Variants in LRP1B observed in about 807,000 individuals in gnomAD.
The protein encoded by LRP1B is low-density lipoprotein receptor-related protein 1B.
Under a neutral mutation model 556.6 loss-of-function variants are expected in LRP1B, and 217 were observed. That is an observed-to-expected ratio of 0.39 (90% confidence interval 0.35 to 0.44). LRP1B has a LOEUF of 0.44. Among genes scored for constraint, LRP1B ranks in the 20% least tolerant of loss-of-function variants. The pLI, the probability that LRP1B is intolerant of heterozygous loss-of-function variation, is 1.00. For missense variants in LRP1B, 5,053 were observed against 5,620.8 expected (o/e 0.90, Z 3.23); for synonymous variants, 2,047 against 1,865.8 (o/e 1.10, Z -2.50).
At position 140,467,779 on chromosome 2, in the gene LRP1B, A is replaced by G. The variant is rs142544058; in HGVS notation, c.9625+7359T>C. 1.4e-4 allele frequency among the ~76,000 whole-genome samples: 22 copies of G among 152,304 alleles called. No homozygotes were observed. The East Asian group carries it at 4.1e-3, about 28-fold the overall frequency. On this transcript the variant is annotated intron_variant, in intron 60 of 90. Coordinates refer to ENST00000389484, the MANE Select transcript of LRP1B (RefSeq NM_018557.3). ...CAGAACTCAACAGCAATAAAATAGAATATCTGCCAGAAGAAATCTCTAAGT... is the reference window on the plus strand; with the variant it reads ...CAGAACTCAACAGCAATAAAATAGAGTATCTGCCAGAAGAAATCTCTAAGT...
intron 1 of LRP1B, among the ~76,000 whole-genome samples, chr2:142,127,088 T>C (rs1707680229): frequency 6.6e-6 from 1 of 151,944 alleles, no homozygotes; most frequent in Non-Finnish European, 1.5e-5. Flanking sequence ...AAATTTCCTT[T>C]ACCTTCACTT....
In LRP1B at chr2:141,185,637, G is replaced by T. The variant is rs1297511946; in HGVS notation, c.1013+2784C>A. Among the ~76,000 whole-genome samples the T allele has an allele frequency of 3.6e-5, 4 of 111,168 alleles. No homozygotes were observed. In the East Asian group the frequency reaches 9.3e-4, roughly 26 times the overall value. The allele number at this position is 111,168 out of a possible 152,430, so 72.9% of individuals were successfully genotyped here. On this transcript the variant is annotated intron_variant, in intron 7 of 90. Transcript: ENST00000389484. ...GCTCAAGTCATAATGGGAGTCCAGA[G>T]AAAGTTAGTAATCTATATTTAAACC...
intron 83 of LRP1B, among the ~76,000 whole-genome samples, chr2:140,304,575 A>T (rs1467865367): frequency 6.6e-6 from 1 of 152,118 alleles, no homozygotes; most frequent in Non-Finnish European, 1.5e-5. Context: ...GGATGAGTAG[A>T]TTGCAAAAAT....
At chr2:141,608,406 A>T (rs1687991905) in intron 2 of LRP1B, among the ~76,000 whole-genome samples, 1 of 152,224 alleles carries the variant, frequency 6.6e-6, no homozygotes, top group Non-Finnish European at 1.5e-5. Context: ...ACATTAAATG[A>T]ATAATTCATC....
intron 84 of LRP1B, among the ~76,000 whole-genome samples, chr2:140,282,574 C>G (rs1682961030): frequency 6.6e-6 from 1 of 151,588 alleles, no homozygotes; most frequent in African/African-American, 2.4e-5. Flanking sequence ...GGAAAGTATC[C>G]CATCTCTGTG....
At chr2:140,242,328 A>G (rs1680982207) in intron 87 of LRP1B, among the ~76,000 whole-genome samples, 1 of 151,262 alleles carries the variant, frequency 6.6e-6, no homozygotes, top group South Asian at 2.1e-4. Flanking sequence ...ACAAGCTTCT[A>G]TTCTGCACTT....
intron 15 of LRP1B, among the ~76,000 whole-genome samples, chr2:141,002,434 A>AG (rs1402448409): frequency 6.6e-6 from 1 of 152,034 alleles, no homozygotes; most frequent in African/African-American, 2.4e-5. Context: ...CTCGATATCC[A>AG]GGGGGGATTG....
chr2:141,832,191 T>C (rs893321209), intron 1 of LRP1B, among the ~76,000 whole-genome samples: 1 of 151,774 alleles, frequency 6.6e-6, no homozygotes, highest in Non-Finnish European at 1.5e-5. Flanking sequence ...CTTTCTTCTC[T>C]GGTTCATTTA....
At chr2:141,200,270 A>T (rs1681950610) in intron 6 of LRP1B, among the ~76,000 whole-genome samples, 1 of 152,102 alleles carries the variant, frequency 6.6e-6, no homozygotes, top group Non-Finnish European at 1.5e-5. Flanking sequence ...AAAAACCAAG[A>T]TCATATCCTT....
intron 72 of LRP1B, among the ~76,000 whole-genome samples, chr2:140,363,397 G>A (rs1682609534): frequency 6.6e-6 from 1 of 151,492 alleles, no homozygotes; most frequent in Non-Finnish European, 1.5e-5. Flanking sequence ...TGACTCTGCA[G>A]CTGTACATCA....
chr2:140,721,900 GTATATAAATTTT>G (rs1231121730), intron 35 of LRP1B, among the ~76,000 whole-genome samples: 3 of 151,584 alleles, frequency 2.0e-5, no homozygotes, highest in Non-Finnish European at 2.9e-5. Flanking sequence ...ATATATTTAA[GTATATAAATTTT>G]AAGTGTACAG....
At chr2:140,360,704 C>A (rs1682463938) in intron 72 of LRP1B, among the ~76,000 whole-genome samples, 1 of 151,438 alleles carries the variant, frequency 6.6e-6, no homozygotes, top group South Asian at 2.1e-4. Context: ...GGCTTCTTAG[C>A]TCCTTAAGTT....
intron 7 of LRP1B, among the ~76,000 whole-genome samples, chr2:141,185,683 C>CA (rs148935362): frequency 0.49 from 36,217 of 73,336 alleles, 5,288 homozygotes; most frequent in East Asian, 0.66. Context: ...GAAAAACAAA[C>CA]AAACAAAAAA....
chr2:141,098,934 A>G (rs1406037214), intron 7 of LRP1B, among the ~76,000 whole-genome samples: 1 of 152,188 alleles, frequency 6.6e-6, no homozygotes, highest in Admixed American at 6.5e-5. Flanking sequence ...TCGGATTACA[A>G]TTAATATTTT....
At chr2:140,789,251 GAAT>G (rs1330579743) in intron 32 of LRP1B, among the ~76,000 whole-genome samples, 3 of 152,042 alleles carry the variant, frequency 2.0e-5, no homozygotes, top group Non-Finnish European at 2.9e-5. Context: ...GCAGGAGTGT[GAAT>G]ATTACCTTAA....
chr2:140,872,386 T>A (rs1693167105), intron 25 of LRP1B, among the ~76,000 whole-genome samples: 1 of 122,908 alleles, frequency 8.1e-6, no homozygotes. Flanking sequence ...TTTTTTTTTT[T>A]TTACTAAAGT....
intron 3 of LRP1B, among the ~76,000 whole-genome samples, chr2:141,287,897 C>G (rs1685781590): frequency 6.6e-6 from 1 of 152,094 alleles, no homozygotes; most frequent in African/African-American, 2.4e-5. Context: ...TTATTTCTAC[C>G]TTTAATTCTT....
At chr2:141,281,686 T>G (rs1685513952) in intron 3 of LRP1B, among the ~76,000 whole-genome samples, 1 of 152,020 alleles carries the variant, frequency 6.6e-6, no homozygotes, top group Non-Finnish European at 1.5e-5. Context: ...CTCACATTAA[T>G]ATTCTATGCC....
intron 3 of LRP1B, among the ~76,000 whole-genome samples, chr2:141,293,371 A>G (rs948129745): frequency 1.3e-5 from 2 of 152,166 alleles, no homozygotes; most frequent in African/African-American, 4.8e-5. Context: ...TATGTGGTTT[A>G]GGGTATGCCA....
Sources: gnomAD v4.1 joint callset for allele counts (sites outside exome capture counted in the v4.1 genomes callset) on GRCh38, gnomAD v4.1.1 for gene constraint, MANE v1.5 for transcripts, NCBI Gene and HGNC (gene_info 2026-07-23, HGNC 2026-07-21) for gene names.